UBE3C: variants seen among roughly 807,000 people sequenced by gnomAD.
UBE3C encodes the protein ubiquitin protein ligase E3C, also known as ubiquitin-protein ligase E3C.
UBE3C carries 42 observed loss-of-function variants against 129.4 expected under a neutral mutation model. That is an observed-to-expected ratio of 0.32 (90% CI 0.25 to 0.42). The LOEUF is 0.42. Among genes scored for constraint, UBE3C ranks in the 10% least tolerant of loss-of-function variants. UBE3C has a pLI of 1.00. For synonymous variants in UBE3C, 510 were observed against 492.4 expected (o/e 1.04, Z -0.47); for missense variants, 1,049 against 1,319.1 (o/e 0.80, Z 3.17).
intron 10 of UBE3C, among the ~76,000 whole-genome samples, chr7:157,194,272 A>G (rs1453421464): frequency 2.0e-5 from 3 of 152,244 alleles, no homozygotes; most frequent in Non-Finnish European, 4.4e-5. Context: ...TATGGCACTG[A>G]GAAAACTTCT....
intron 22 of UBE3C, 48 bp from the exon 23 acceptor site, chr7:157,267,537 A>C (rs1797113530): frequency 6.2e-7 from 1 of 1,603,324 alleles, no homozygotes; most frequent in Admixed American, 1.7e-5. Context: ...AAACTCATGT[A>C]ATGCCATGCT....
At chr7:157,177,104 T>C (rs534331454) in intron 5 of UBE3C, among the ~76,000 whole-genome samples, 1 of 152,304 alleles carries the variant, frequency 6.6e-6, no homozygotes, top group South Asian at 2.1e-4. Flanking sequence ...TAGAAGAAAC[T>C]ACCAAACTTA....
chr7:157,157,973 G>GATAT (rs67483339), intron 1 of UBE3C, among the ~76,000 whole-genome samples: 1 of 142,178 alleles, frequency 7.0e-6, no homozygotes, highest in South Asian at 2.2e-4. Context: ...GATATATATA[G>GATAT]ATATATATAT....
At chr7:157,216,570 T>C (rs929909997) in intron 13 of UBE3C, among the ~76,000 whole-genome samples, 2 of 152,250 alleles carry the variant, frequency 1.3e-5, no homozygotes, top group Middle Eastern at 3.4e-3. Context: ...TGGGTTCTTA[T>C]CATGTAGCTC....
At chr7:157,160,070 T>C (rs1563033109) in intron 1 of UBE3C, among the ~76,000 whole-genome samples, 1 of 149,864 alleles carries the variant, frequency 6.7e-6, no homozygotes, top group Non-Finnish European at 1.5e-5. Context: ...CCGTAGTTAC[T>C]TTTTTTTTTC....
chr7:157,146,911 A>G (rs1807620514), intron 1 of UBE3C, among the ~76,000 whole-genome samples: 1 of 152,200 alleles, frequency 6.6e-6, no homozygotes, highest in Non-Finnish European at 1.5e-5. Flanking sequence ...TCAGCCTCCC[A>G]AAGTGCTGGG....
chr7:157,198,108 T>G, intron 10 of UBE3C: 1 of 1,612,444 alleles, frequency 6.2e-7, no homozygotes, highest in Non-Finnish European at 8.5e-7. Context: ...TGGTTCATTG[T>G]AAGGTCTCAA....
chr7:157,142,665 G>A (rs1421751835), intron 1 of UBE3C, among the ~76,000 whole-genome samples: 2 of 152,012 alleles, frequency 1.3e-5, no homozygotes, highest in African/African-American at 2.4e-5. Flanking sequence ...ATAAAGATGG[G>A]ATGATAGACA....
intron 1 of UBE3C, among the ~76,000 whole-genome samples, chr7:157,158,725 T>C (rs946005994): frequency 2.0e-5 from 3 of 152,224 alleles, no homozygotes; most frequent in Non-Finnish European, 4.4e-5. Context: ...AATCCTTTGC[T>C]TTGTCAGGCA....
At chr7:157,224,991 T>C (rs187872336) in intron 16 of UBE3C, among the ~76,000 whole-genome samples, 4 of 152,296 alleles carry the variant, frequency 2.6e-5, no homozygotes, top group Admixed American at 2.0e-4. Context: ...AATGAAAATA[T>C]TCTATCGCAA....
chr7:157,193,681 GA>G (rs1809036903), intron 10 of UBE3C, among the ~76,000 whole-genome samples: 1 of 138,174 alleles, frequency 7.2e-6, no homozygotes, highest in African/African-American at 2.7e-5. Context: ...TTTTTTTGGT[GA>G]AAACATTCTT....
chr7:157,170,142 A>T (rs1179946282), intron 3 of UBE3C, among the ~76,000 whole-genome samples, 162 bp from the exon 4 acceptor site: 1 of 144,494 alleles, frequency 6.9e-6, no homozygotes. Flanking sequence ...TTTCTTTTTA[A>T]CCATTTTTTT....
At chr7:157,155,667 A>G (rs1245671358) in intron 1 of UBE3C, among the ~76,000 whole-genome samples, 1 of 152,242 alleles carries the variant, frequency 6.6e-6, no homozygotes, top group Non-Finnish European at 1.5e-5. Context: ...TTAGTGAAGA[A>G]AGCATTTTCC....
Position 157,191,210 on chromosome 7 carries a change from G to A in UBE3C, c.1331+4189G>A, listed in dbSNP as rs182162258. ...AATCATTGTGATTTAGATAAACAGCGGTGCGCCTCGAAGCGCAGTGCTTCT... is the reference window on the plus strand; with the variant it reads ...AATCATTGTGATTTAGATAAACAGCAGTGCGCCTCGAAGCGCAGTGCTTCT... On this transcript the variant is annotated intron_variant, in intron 10 of 22. Coordinates refer to ENST00000348165, the MANE Select transcript of UBE3C (RefSeq NM_014671.3). Among the ~76,000 whole-genome samples, 6 of 152,298 alleles carry A rather than the reference G, an allele frequency of 3.9e-5. No individual in the cohort carries two copies. The East Asian group carries it at 7.7e-4, about 20-fold the overall frequency.
At chr7:157,171,701 T>A (rs1213215773) in intron 4 of UBE3C, among the ~76,000 whole-genome samples, 3,799 of 33,718 alleles carry the variant, frequency 0.11, 212 homozygotes, top group Non-Finnish European at 0.13. Flanking sequence ...TTTTTTTTTT[T>A]TTTTTTTTTT....
intron 1 of UBE3C, among the ~76,000 whole-genome samples, chr7:157,143,440 C>T (rs1252785580): frequency 6.6e-6 from 1 of 152,198 alleles, no homozygotes; most frequent in Non-Finnish European, 1.5e-5. Context: ...ATCACCACCA[C>T]AGGAGTTGCT....
chr7:157,171,909 G>A (rs1808389142), intron 4 of UBE3C, among the ~76,000 whole-genome samples: 1 of 150,956 alleles, frequency 6.6e-6, no homozygotes, highest in Non-Finnish European at 1.5e-5. Flanking sequence ...ATGTCGCCAT[G>A]TTGGGCAGGC....
chr7:157,243,536 A>T (rs1439936880), intron 18 of UBE3C, among the ~76,000 whole-genome samples: 1 of 152,182 alleles, frequency 6.6e-6, no homozygotes, highest in Admixed American at 6.5e-5. Flanking sequence ...GGCACCTGCC[A>T]GTGGAGTATT....
chr7:157,234,869 A>G (rs1239096613), intron 18 of UBE3C, among the ~76,000 whole-genome samples: 1 of 152,078 alleles, frequency 6.6e-6, no homozygotes, highest in Non-Finnish European at 1.5e-5. Context: ...CCCCTGGAGG[A>G]TGTACATTTC....
Sources: gnomAD v4.1 joint callset for allele counts (sites outside exome capture counted in the v4.1 genomes callset) on GRCh38, gnomAD v4.1.1 for gene constraint, MANE v1.5 for transcripts, NCBI Gene and HGNC (gene_info 2026-07-23, HGNC 2026-07-21) for gene names.